The following ABCA13 variants were observed in gnomAD, a reference collection of about 807,000 sequenced individuals.
ABCA13 encodes ATP binding cassette subfamily A member 13.
A neutral mutation model predicts 478.7 loss-of-function variants in ABCA13; 476 were observed. The ratio of observed to expected loss-of-function variants is 0.99; its 90% CI spans 0.92 to 1.07. The LOEUF (loss-of-function observed/expected upper bound fraction) is 1.07. Among genes scored for constraint, ABCA13 ranks in the 50% least tolerant of loss-of-function variants. The pLI, the probability that ABCA13 is intolerant of heterozygous loss-of-function variation, is 0.00. For synonymous variants in ABCA13, 2,252 were observed against 2,158.9 expected (o/e 1.04, Z -1.20); for missense variants, 6,060 against 5,910.6 (o/e 1.03, Z -0.83).
At chr7:48,574,283 G>T (rs962655751) in intron 55 of ABCA13, among the ~76,000 whole-genome samples, 1 of 152,072 alleles carries the variant, frequency 6.6e-6, no homozygotes, top group Non-Finnish European at 1.5e-5. Flanking sequence ...AAAATGGGAT[G>T]ATCTTACTAA....
chr7:48,244,715 T>G lies in ABCA13; in HGVS notation c.1390+12T>G. On this transcript the variant is annotated intron_variant, in intron 11 of 61. Coordinates refer to ENST00000435803, the MANE Select transcript of ABCA13 (RefSeq NM_152701.5). Reference sequence around the variant, plus strand: ...ACATTTTGTCCAAGGTAAGCTAGCTTTGGTGTTATTTGTCCCTGACTCACT... The same window carrying G: ...ACATTTTGTCCAAGGTAAGCTAGCTGTGGTGTTATTTGTCCCTGACTCACT... The G allele has an allele frequency of 1.3e-6, 2 of 1,580,870 alleles. No individual in the cohort carries two copies. The highest frequency in any genetic ancestry group is 1.1e-5 in the South Asian group (1 of 87,638).
At position 48,239,344 on chromosome 7, in the gene ABCA13, A is replaced by G. The variant is rs1242173587; in HGVS notation, c.1001A>G (p.Lys334Arg). The change falls in exon 9 of 62, where the codon AAG (lysine) becomes AGG (arginine). Residue 334 changes from lysine to arginine, a missense_variant. Around this residue, in one of 3 missense-constraint regions of ABCA13, gnomAD observed 4,423 missense variants for 4,309.1 expected, o/e 1.03. Transcript: ENST00000435803. ...KWGHVGGCHP[K>R]WSEAKNYLVH... ...GGCCACGTTGGAGGCTGCCACCCTA[A>G]GTGGTCAGAAGCCAAAAACTATCTT... The G allele has an allele frequency of 6.2e-7, 1 of 1,613,834 alleles. No homozygotes were observed. The highest frequency in any genetic ancestry group is 1.3e-5 in the African/African-American group (1 of 74,934).
Position 48,217,005 on chromosome 7 carries a change from AT to A in ABCA13, c.288-2343del, listed in dbSNP as rs527664691. On this transcript the variant is annotated intron_variant, in intron 3 of 61. Transcript: ENST00000435803. ...TTAAATGTATTCCTAAGTAGTTAAT[AT>A]TTTTTGGTATTGTTTTAAACATTTT... 5.1e-3 allele frequency among the ~76,000 whole-genome samples: 776 copies of A among 152,274 alleles called. 3 individuals carry two copies. The highest frequency in any genetic ancestry group is 0.018 in the African/African-American group (735 of 41,560).
intron 1 of ABCA13, among the ~76,000 whole-genome samples, chr7:48,190,367 C>A: frequency 6.6e-6 from 1 of 152,126 alleles, no homozygotes; most frequent in East Asian, 1.9e-4. Context: ...GTCTTGTTAT[C>A]TGTAATCAAC....
At chr7:48,524,157 A>AT in intron 53 of ABCA13, 91 bp from the exon 54 acceptor site, 1 of 1,282,270 alleles carries the variant, frequency 7.8e-7, no homozygotes, top group Non-Finnish European at 1.1e-6. Context: ...GATATCTTCA[A>AT]TTTTTTACAA....
At chr7:48,363,369 A>G (rs910467671) in intron 31 of ABCA13, among the ~76,000 whole-genome samples, 10 of 152,124 alleles carry the variant, frequency 6.6e-5, no homozygotes, top group Admixed American at 3.9e-4. Flanking sequence ...AATTTTGGCA[A>G]GCTGCCAGTA....
At chr7:48,294,179 G>A (rs1191467834) in intron 20 of ABCA13, among the ~76,000 whole-genome samples, 4 of 151,898 alleles carry the variant, frequency 2.6e-5, no homozygotes, top group African/African-American at 9.7e-5. Context: ...ACAAACAAAT[G>A]AGCATATCTG....
intron 48 of ABCA13, among the ~76,000 whole-genome samples, chr7:48,492,484 GA>G (rs1829924583): frequency 1.3e-5 from 2 of 152,118 alleles, no homozygotes; most frequent in South Asian, 4.1e-4. Context: ...ATATTTCCCA[GA>G]CACTGTGTTA....
intron 38 of ABCA13, 126 bp from the exon 39 acceptor site, chr7:48,403,557 C>T: frequency 2.0e-6 from 2 of 975,712 alleles, no homozygotes; most frequent in East Asian, 2.7e-5. Context: ...GTAGCATCCA[C>T]ACCTCTGTGA....
At chr7:48,241,121 A>C in intron 10 of ABCA13, 55 bp downstream of exon 10, 1 of 1,583,868 alleles carries the variant, frequency 6.3e-7, no homozygotes, top group Non-Finnish European at 8.7e-7. Context: ...CAGAATGTTA[A>C]AGAGTGCGTG....
chr7:48,640,958 C>G (rs1314107380), intron 59 of ABCA13, among the ~76,000 whole-genome samples: 2 of 152,104 alleles, frequency 1.3e-5, no homozygotes, highest in Non-Finnish European at 2.9e-5. Context: ...TTTTGGAAGA[C>G]TGGTAGAATT....
intron 52 of ABCA13, 73 bp from the exon 53 acceptor site, chr7:48,519,968 G>T: frequency 7.1e-7 from 1 of 1,417,676 alleles, no homozygotes; most frequent in South Asian, 1.6e-5. Context: ...AGGAGAAAAA[G>T]AAGTTATTGG....
intron 59 of ABCA13, among the ~76,000 whole-genome samples, chr7:48,635,988 C>T (rs954394922): frequency 1.3e-5 from 2 of 152,164 alleles, no homozygotes; most frequent in Non-Finnish European, 2.9e-5. Flanking sequence ...TGGCTAAATG[C>T]TTTCAAAGAC....
At chr7:48,567,668 C>T (rs1169915607) in intron 55 of ABCA13, among the ~76,000 whole-genome samples, 1 of 151,696 alleles carries the variant, frequency 6.6e-6, no homozygotes, top group Non-Finnish European at 1.5e-5. Flanking sequence ...TATTAGCATA[C>T]ATGTAACTAT....
chr7:48,493,334 TC>T (rs1306867179), intron 48 of ABCA13, among the ~76,000 whole-genome samples: 2 of 152,182 alleles, frequency 1.3e-5, no homozygotes, highest in African/African-American at 4.8e-5. Flanking sequence ...TGTACTTGCT[TC>T]TTTCGTTATT....
At chr7:48,330,687 A>G (rs1189011009) in intron 27 of ABCA13, among the ~76,000 whole-genome samples, 1 of 151,228 alleles carries the variant, frequency 6.6e-6, no homozygotes, top group Non-Finnish European at 1.5e-5. Flanking sequence ...TCATCTATCT[A>G]TCCATTCATC....
intron 9 of ABCA13, among the ~76,000 whole-genome samples, chr7:48,239,767 CACTTTAAGCTCTGA>C (rs1349700116): frequency 2.0e-5 from 3 of 152,226 alleles, no homozygotes; most frequent in Admixed American, 6.5e-5. Flanking sequence ...ATCCCTCTAG[CACTTTAAGCTCTGA>C]ACTGGCCTTG....
At position 48,580,335 on chromosome 7, in the gene ABCA13, C is replaced by T; in HGVS notation, c.14466C>T (p.Tyr4822=). The T allele has an allele frequency of 6.2e-7, 1 of 1,613,092 alleles. No homozygotes were observed. Among genetic ancestry groups the T allele is most frequent in the Non-Finnish European group, 8.5e-7 (1 of 1,179,548 alleles). The change falls in exon 56 of 62, where the codon TAC becomes TAT. Residue 4822 remains tyrosine (Y), a synonymous_variant. Coordinates refer to ENST00000435803, the MANE Select transcript of ABCA13 (RefSeq NM_152701.5). ...LLTGWEHLYY[Y]CSLRGIPRQC... ...CTGGTTGGGAACATCTCTATTATTA[C>T]TGTAGCTTACGCGGGATTCCAAGGC...
chr7:48,328,841 A>C (rs1404691864), intron 27 of ABCA13, among the ~76,000 whole-genome samples: 2 of 152,202 alleles, frequency 1.3e-5, no homozygotes, highest in Non-Finnish European at 2.9e-5. Flanking sequence ...CACAAATGAG[A>C]TATCATATCA....
Sources: gnomAD v4.1 joint callset for allele counts (sites outside exome capture counted in the v4.1 genomes callset) on GRCh38, gnomAD v4.1.1 for gene constraint, gnomAD v4.1.1 regional missense constraint, MANE v1.5 for transcripts, NCBI Gene and HGNC (gene_info 2026-07-23, HGNC 2026-07-21) for gene names.